Variants in SAMD5 observed in about 807,000 individuals in gnomAD.
The protein encoded by SAMD5 is sterile alpha motif domain-containing protein 5.
SAMD5 carries 13 observed loss-of-function variants against 11.3 expected under a neutral mutation model. That is an observed-to-expected ratio of 1.15 (90% confidence interval 0.75 to 1.83). SAMD5 has a LOEUF of 1.83. Ranked by LOEUF, SAMD5 falls within the 40% of genes most tolerant of loss-of-function variation. The probability of loss-of-function intolerance (pLI) is 0.00; values close to 1 mark genes in which losing one functional copy is unlikely to be tolerated. For synonymous variants in SAMD5, 129 were observed against 111.3 expected, an observed-to-expected ratio of 1.16 and a Z score of -1.00; for missense variants, 255 against 239.1, an observed-to-expected ratio of 1.07 and a Z score of -0.44.
At chr6:147,539,051 T>C (rs149304008) in intron 1 of SAMD5, among the ~76,000 whole-genome samples, 4 of 152,286 alleles carry the variant, frequency 2.6e-5, no homozygotes, top group African/African-American at 9.6e-5. Flanking sequence ...GGTGGAGCGC[T>C]TGGAGCAACA....
At chr6:147,626,717 G>T (rs1790055346) in intron 1 of SAMD5, among the ~76,000 whole-genome samples, 1 of 144,012 alleles carries the variant, frequency 6.9e-6, no homozygotes, top group Non-Finnish European at 1.5e-5. Flanking sequence ...ACTTTGGAAG[G>T]CCAAGACGGC....
At chr6:147,851,958 G>A in the SAMD5 span, among the ~76,000 whole-genome samples, 9 of 152,196 alleles carry the variant, frequency 5.9e-5, no homozygotes, top group East Asian at 9.6e-4. Context: ...AAATCATGAT[G>A]TAGTTTTACT....
At chr6:147,814,009 C>A in the SAMD5 span, among the ~76,000 whole-genome samples, 3 of 152,154 alleles carry the variant, frequency 2.0e-5, no homozygotes, top group African/African-American at 7.2e-5. Flanking sequence ...CATCGTTTTT[C>A]TTTGAAGTTA....
At chr6:147,865,083 T>C in the SAMD5 span, among the ~76,000 whole-genome samples, 14 of 152,208 alleles carry the variant, frequency 9.2e-5, no homozygotes, top group Admixed American at 9.2e-4. Context: ...ACCTAACTTA[T>C]TTCTTTTCTT....
chr6:147,653,689 T>TA (rs1790524609), intron 1 of SAMD5, among the ~76,000 whole-genome samples: 1 of 152,262 alleles, frequency 6.6e-6, no homozygotes, highest in Non-Finnish European at 1.5e-5. Flanking sequence ...CCTATTTTTT[T>TA]AAAAATTGTA....
the SAMD5 span, among the ~76,000 whole-genome samples, chr6:147,790,760 C>G: frequency 5.9e-5 from 5 of 84,942 alleles, no homozygotes; most frequent in Non-Finnish European, 1.1e-4. Flanking sequence ...CTCTCTTTCT[C>G]TCTCTCTCTT....
intron 1 of SAMD5, among the ~76,000 whole-genome samples, chr6:147,697,570 T>C (rs187262052): frequency 6.6e-6 from 1 of 152,326 alleles, no homozygotes; most frequent in East Asian, 1.9e-4. Context: ...ATTAATTATT[T>C]TTGTTGTACT....
chr6:147,604,704 A>G (rs1286544374), intron 1 of SAMD5, among the ~76,000 whole-genome samples: 1 of 152,174 alleles, frequency 6.6e-6, no homozygotes, highest in Non-Finnish European at 1.5e-5. Flanking sequence ...AGCATCATGG[A>G]ATATGTGAAC....
chr6:147,673,727 A>G (rs1005470474), intron 1 of SAMD5, among the ~76,000 whole-genome samples: 4 of 152,162 alleles, frequency 2.6e-5, no homozygotes, highest in African/African-American at 9.7e-5. Context: ...AAAATTAAGA[A>G]CCTTAAACAT....
At chr6:147,830,670 C>T in the SAMD5 span, among the ~76,000 whole-genome samples, 4 of 151,948 alleles carry the variant, frequency 2.6e-5, no homozygotes, top group Admixed American at 6.6e-5. Context: ...CTACTTGTAA[C>T]GTTAGTCTTC....
chr6:147,760,166 TG>T, the SAMD5 span, among the ~76,000 whole-genome samples: 2 of 152,180 alleles, frequency 1.3e-5, no homozygotes, highest in Non-Finnish European at 2.9e-5. Context: ...ATGACTCAGA[TG>T]TAGCTTATCT....
Position 147,699,635 on chromosome 6 carries a change from G to A in SAMD5, c.163-37682G>A, listed in dbSNP as rs182654055. On this transcript the variant is annotated intron_variant, in intron 1 of 1. Transcript: ENST00000566741. ...AATATTAAATGTTTGAGTGTGAAAC[G>A]TTTTATTCACAGAGGAGATAGTCCA... 2.9e-4 allele frequency among the ~76,000 whole-genome samples: 44 copies of A among 152,264 alleles called. No homozygotes were observed. The East Asian group carries it at 3.9e-3, about 13-fold the overall frequency.
chr6:147,803,100 A>G, the SAMD5 span, among the ~76,000 whole-genome samples: 1 of 151,072 alleles, frequency 6.6e-6, no homozygotes, highest in African/African-American at 2.4e-5. Flanking sequence ...TCTTTTCTCT[A>G]TATAACATAT....
At chr6:147,871,733 C>T in the SAMD5 span, among the ~76,000 whole-genome samples, 1 of 152,176 alleles carries the variant, frequency 6.6e-6, no homozygotes, top group East Asian at 1.9e-4. Flanking sequence ...AGACATCAGG[C>T]AAGGCAGCAG....
At chr6:147,619,059 G>A (rs1479509598) in intron 1 of SAMD5, among the ~76,000 whole-genome samples, 2 of 152,180 alleles carry the variant, frequency 1.3e-5, no homozygotes, top group South Asian at 2.1e-4. Flanking sequence ...CCAAAGCTGT[G>A]TGATCACAGG....
At chr6:147,918,191 A>C in the SAMD5 span, among the ~76,000 whole-genome samples, 1 of 152,158 alleles carries the variant, frequency 6.6e-6, no homozygotes, top group Non-Finnish European at 1.5e-5. Flanking sequence ...CTTCCTAACC[A>C]TGAGCATGGA....
downstream of SAMD5, among the ~76,000 whole-genome samples, chr6:147,740,232 C>T (rs1460488293): frequency 6.6e-6 from 1 of 152,194 alleles, no homozygotes; most frequent in Non-Finnish European, 1.5e-5. Flanking sequence ...AACGCTGCCT[C>T]TTTAAAATAA....
Position 147,566,635 on chromosome 6 carries a change from A to G in SAMD5, c.*2179A>G. On this transcript the variant is annotated 3_prime_UTR_variant, in exon 2 of 2. Transcript: ENST00000367474. ...ACTTCAATTATTTTGCCAGGTTTAA[A>G]CCTTCTCTCTGTGTCTGTGGTTAGA... The G allele has an allele frequency of 2.0e-6, 2 of 980,104 alleles. No individual in the cohort carries two copies. The highest frequency in any genetic ancestry group is 2.4e-6 in the Non-Finnish European group (2 of 824,766). 60.7% of individuals were successfully genotyped at this position (980,104 alleles called of 1,614,324 possible).
chr6:147,543,860 C>A (rs1427654264), intron 1 of SAMD5, among the ~76,000 whole-genome samples: 1 of 152,024 alleles, frequency 6.6e-6, no homozygotes, highest in East Asian at 1.9e-4. Context: ...GCTTTGGAGG[C>A]ATCTCAGGAG....
Sources: allele counts gnomAD v4.1 joint callset (sites outside exome capture counted in the v4.1 genomes callset), GRCh38; gene constraint gnomAD v4.1.1; transcripts MANE v1.5; gene names NCBI Gene and HGNC (gene_info 2026-07-23, HGNC 2026-07-21).